The following STK11 variants were observed in gnomAD, a reference collection of about 807,000 sequenced individuals.
STK11 encodes serine/threonine-protein kinase STK11.
In STK11, 8 loss-of-function variants were observed where a neutral mutation model predicts 47.3. That is an observed-to-expected ratio of 0.17 (90% CI 0.10 to 0.31). STK11 has a LOEUF of 0.31. Ranked by LOEUF, STK11 falls within the 10% of genes least tolerant of loss-of-function variation. The probability of loss-of-function intolerance (pLI) is 1.00; values close to 1 mark genes in which losing one functional copy is unlikely to be tolerated. For synonymous variants in STK11, 330 were observed against 255.8 expected (o/e 1.29, Z -2.77); for missense variants, 475 against 605.0 (o/e 0.79, Z 2.25).
At chr19:1,226,840 G>C in intron 9 of STK11, 177 bp downstream of exon 9, 2 of 758,532 alleles carry the variant, frequency 2.6e-6, no homozygotes, top group Non-Finnish European at 4.0e-6. Context: ...GTGCCGTCTC[G>C]GGGCCTGGTG....
chr19:1,219,298 T>C (rs770313870), intron 2 of STK11, 26 bp from the exon 3 acceptor site: 1 of 1,561,020 alleles, frequency 6.4e-7, no homozygotes, highest in South Asian at 1.2e-5. Context: ...GGCCGCCCCC[T>C]GAGCTGTGTG....
At chr19:1,223,562 G>C (rs1488206406) in intron 8 of STK11, 8 of 1,075,932 alleles carry the variant, frequency 7.4e-6, no homozygotes, top group Non-Finnish European at 6.8e-6. Flanking sequence ...GCATGAGAGA[G>C]GGTCCAGTGG....
At chr19:1,211,865 G>A (rs2080713307) in intron 1 of STK11, among the ~76,000 whole-genome samples, 1 of 152,226 alleles carries the variant, frequency 6.6e-6, no homozygotes, top group African/African-American at 2.4e-5. Flanking sequence ...ATTTTCGCGA[G>A]CTGGGAGTCA....
intron 1 of STK11, among the ~76,000 whole-genome samples, chr19:1,213,038 C>T (rs921929804): frequency 6.9e-6 from 1 of 144,790 alleles, no homozygotes; most frequent in Non-Finnish European, 1.5e-5. Context: ...GCTCTGTCAC[C>T]CAGGCTGGAG....
Position 1,205,805 on chromosome 19 carries a change from C to A in STK11, c.-1109C>A, listed in dbSNP as rs921317971. ...GGTAAACAAGATGGCGGCGGCGTGTCGGGCGCGGAAGGGGGAGGCGGCCCG... is the reference window on the plus strand; with the variant it reads ...GGTAAACAAGATGGCGGCGGCGTGTAGGGCGCGGAAGGGGGAGGCGGCCCG... On this transcript the variant is annotated 5_prime_UTR_variant, in exon 1 of 10. Coordinates refer to ENST00000326873, the MANE Select transcript of STK11 (RefSeq NM_000455.5). 2.0e-5 allele frequency: 4 copies of A among 202,908 alleles called. No homozygotes were observed. The highest frequency in any genetic ancestry group is 3.5e-4 in the South Asian group (2 of 5,644). The allele number at this position is 202,908 out of a possible 1,614,324, so 12.6% of individuals were successfully genotyped here. A position where few individuals can be genotyped will look rare whatever the true frequency, so the allele number is the denominator to read the frequency against.
At chr19:1,226,833 C>A in intron 9 of STK11, 170 bp downstream of exon 9, 1 of 805,782 alleles carries the variant, frequency 1.2e-6, no homozygotes, top group Non-Finnish European at 1.8e-6. Flanking sequence ...GTGGAGGGTG[C>A]CGTCTCGGGG....
At chr19:1,220,346 C>T (rs2145423999) in intron 3 of STK11, 27 bp from the exon 4 acceptor site, 2 of 1,588,378 alleles carry the variant, frequency 1.3e-6, no homozygotes, top group South Asian at 2.3e-5. Context: ...AGGCCTCGGC[C>T]CCAGGACGGG....
rs759464040 is a variant in STK11 at position 1,220,522 on chromosome 19, G to A, written c.597+17G>A. On this transcript the variant is annotated intron_variant, in intron 4 of 9. Transcript: ENST00000326873. ...GTGGCCGAGGTAGGCACGTGCTAGG[G>A]GGGGCCCTGGGGCGCCCCCTCCCGG... The A allele has an allele frequency of 6.3e-7, 1 of 1,591,318 alleles. No homozygotes were observed. The highest frequency in any genetic ancestry group is 2.3e-5 in the East Asian group (1 of 43,938).
chr19:1,221,126 G>T (rs537831482), intron 5 of STK11, 87 bp from the exon 6 acceptor site: 2 of 1,560,856 alleles, frequency 1.3e-6, no homozygotes, highest in South Asian at 1.2e-5. Context: ...GCCACGGGAC[G>T]CCTCTGTCCC....
intron 8 of STK11, chr19:1,224,289 C>T: frequency 1.0e-6 from 1 of 985,366 alleles, no homozygotes; most frequent in Non-Finnish European, 1.2e-6. Flanking sequence ...ATCACAGGGT[C>T]TCAGCTCCTG....
rs923884925 is a variant in STK11 at position 1,206,847 on chromosome 19, C to T, written c.-67C>T. The T allele has an allele frequency of 2.0e-6, 3 of 1,476,814 alleles. No homozygotes were observed. The South Asian group carries it at 4.0e-5, about 19-fold the overall frequency. 91.5% of individuals were successfully genotyped at this position (1,476,814 alleles called of 1,614,324 possible). A position where few individuals can be genotyped will look rare whatever the true frequency, so the allele number is the denominator to read the frequency against. ...AAATTTTGGAGAAGGGAAGTCGGAA[C>T]ACAAGGAAGGACCGCTCACCCGCGG... On this transcript the variant is annotated 5_prime_UTR_variant, in exon 1 of 10. Transcript: ENST00000326873.
At position 1,222,012 on chromosome 19, in the gene STK11, C is replaced by T. The variant is rs730881964; in HGVS notation, c.920+6C>T. On this transcript the variant is annotated splice_donor_region_variant and intron_variant, in intron 7 of 9. Transcript: ENST00000326873. ...CGGCAGATCCGGCAGCACAGGTGAGCGGCCCCTGGGGGCAGTGGGGCCGAG... is the reference window on the plus strand; with the variant it reads ...CGGCAGATCCGGCAGCACAGGTGAGTGGCCCCTGGGGGCAGTGGGGCCGAG... 7.5e-5 allele frequency: 117 copies of T among 1,567,822 alleles called. No homozygotes were observed. The highest frequency in any genetic ancestry group is 4.0e-4 in the East Asian group (17 of 42,000).
At position 1,207,064 on chromosome 19, in the gene STK11, A is replaced by C. The variant is rs730881986; in HGVS notation, c.151A>C (p.Met51Leu). The change falls in exon 1 of 10, where the codon ATG (methionine) becomes CTG (leucine). Residue 51 changes from methionine (M) to leucine (L), a missense_variant. By Grantham distance (15) the Met-to-Leu change is conservative. Coordinates refer to ENST00000326873, the MANE Select transcript of STK11 (RefSeq NM_000455.5). The part of the protein sequence containing the change: ...KRAKLIGKYL[M>L]GDLLGEGSYG... ...GGCCAAGCTCATCGGCAAGTACCTG[A>C]TGGGGGACCTGCTGGGGGAAGGCTC... 29 of 1,613,690 alleles carry C rather than the reference A, an allele frequency of 1.8e-5. No homozygotes were observed. The highest frequency in any genetic ancestry group is 2.5e-5 in the Non-Finnish European group (29 of 1,179,866).
intron 1 of STK11, among the ~76,000 whole-genome samples, chr19:1,212,967 A>G (rs114966249): frequency 1.1e-3 from 170 of 147,978 alleles, no homozygotes; most frequent in African/African-American, 3.8e-3. Flanking sequence ...GGTGTAAGCC[A>G]TAGTACTGGG....
At chr19:1,217,420 G>C (rs111600263) in intron 1 of STK11, among the ~76,000 whole-genome samples, 1 of 152,030 alleles carries the variant, frequency 6.6e-6, no homozygotes. Flanking sequence ...GGCTGGTCTC[G>C]AACTCCTGAG....
At chr19:1,212,762 T>G (rs1466465028) in intron 1 of STK11, among the ~76,000 whole-genome samples, 3 of 151,964 alleles carry the variant, frequency 2.0e-5, no homozygotes, top group Non-Finnish European at 4.4e-5. Context: ...GCCAGTATGG[T>G]CTCGATCTCC....
chr19:1,214,409 C>T (rs10423327), intron 1 of STK11, among the ~76,000 whole-genome samples: 3,657 of 152,300 alleles, frequency 0.024, 131 homozygotes, highest in African/African-American at 0.082. Flanking sequence ...GGCTCTTCCA[C>T]GTTTCAGCTG....
At chr19:1,213,111 C>G (rs2080723032) in intron 1 of STK11, among the ~76,000 whole-genome samples, 1 of 150,826 alleles carries the variant, frequency 6.6e-6, no homozygotes, top group Non-Finnish European at 1.5e-5. Context: ...ATTCTCCTGC[C>G]TCAGCCTCCC....
rs1390058300 is a variant in STK11 at position 1,224,986 on chromosome 19, G to A, written c.1109-1468G>A. ...CGGGTCAGGCCATCCTCTGCGCTCT[G>A]CCGGGGCTGCTGCATCGGCCTCTGC... On this transcript the variant is annotated intron_variant, in intron 8 of 9. Transcript: ENST00000326873. 3 of 985,622 alleles carry A rather than the reference G, an allele frequency of 3.0e-6. No individual in the cohort carries two copies. The African/African-American group carries it at 5.2e-5, about 17-fold the overall frequency. 61.1% of individuals were successfully genotyped at this position (985,622 alleles called of 1,614,324 possible).
Sources: gnomAD v4.1 joint callset for allele counts (sites outside exome capture counted in the v4.1 genomes callset) on GRCh38, gnomAD v4.1.1 for gene constraint, MANE v1.5 for transcripts, NCBI Gene and HGNC (gene_info 2026-07-23, HGNC 2026-07-21) for gene names.